The following KCNAB1 variants were observed in gnomAD, a reference collection of about 807,000 sequenced individuals.
KCNAB1 encodes potassium voltage-gated channel subfamily A regulatory beta subunit 1, also known as voltage-gated potassium channel subunit beta-1.
Under a neutral mutation model 64.6 loss-of-function variants are expected in KCNAB1, and 35 were observed. The ratio of observed to expected loss-of-function variants is 0.54; its 90% CI spans 0.41 to 0.72. The LOEUF (loss-of-function observed/expected upper bound fraction) is 0.72. Among genes scored for constraint, KCNAB1 ranks in the 30% least tolerant of loss-of-function variants. The pLI is 0.00. For missense variants in KCNAB1, 401 were observed against 512.9 expected (o/e 0.78, Z 2.11); for synonymous variants, 177 against 183.8 (o/e 0.96, Z 0.30).
chr3:156,196,942 C>T (rs1300802531), intron 1 of KCNAB1, among the ~76,000 whole-genome samples: 5 of 152,078 alleles, frequency 3.3e-5, no homozygotes, highest in Admixed American at 6.6e-5. Context: ...GTGTGTTTGT[C>T]GTAAATAGCT....
At chr3:156,481,569 C>G (rs918988392) in intron 8 of KCNAB1, among the ~76,000 whole-genome samples, 12 of 151,994 alleles carry the variant, frequency 7.9e-5, no homozygotes, top group Admixed American at 3.3e-4. Context: ...CATAAAAAGA[C>G]AAATTTATTT....
intron 1 of KCNAB1, among the ~76,000 whole-genome samples, chr3:156,356,180 GAAA>G (rs541338190): frequency 7.2e-6 from 1 of 139,304 alleles, no homozygotes; most frequent in Admixed American, 6.9e-5. Context: ...AAGAAAAAAA[GAAA>G]AAGAAAGAAA....
chr3:156,453,033 G>C (rs920665110), intron 3 of KCNAB1, 97 bp downstream of exon 3: 137 of 717,726 alleles, frequency 1.9e-4, no homozygotes, highest in Middle Eastern at 4.9e-4. Flanking sequence ...ACTCTACAGG[G>C]ATAAGGTTTA....
At chr3:156,169,273 T>C (rs192293316) in intron 1 of KCNAB1, among the ~76,000 whole-genome samples, 1 of 152,304 alleles carries the variant, frequency 6.6e-6, no homozygotes, top group Admixed American at 6.5e-5. Context: ...CGGGGGTTAT[T>C]ATGCTGAAGA....
intron 2 of KCNAB1, among the ~76,000 whole-genome samples, chr3:156,430,122 T>C (rs2108240949): frequency 6.6e-6 from 1 of 152,378 alleles, no homozygotes; most frequent in East Asian, 1.9e-4. Flanking sequence ...TGACAAGTGG[T>C]TGCCTTCTGA....
Position 156,452,769 on chromosome 3 carries a change from C to A in KCNAB1, c.320-130C>A. 1 of 640,516 alleles carries A rather than the reference C, an allele frequency of 1.6e-6. No individual in the cohort carries two copies. 39.7% of individuals were successfully genotyped at this position (640,516 alleles called of 1,614,324 possible). ...AACTAGACCACAGCCCACATGTGCCCCTCATCCAGGTACCTTTGTGAACTA... is the reference window on the plus strand; with the variant it reads ...AACTAGACCACAGCCCACATGTGCCACTCATCCAGGTACCTTTGTGAACTA... On this transcript the variant is annotated intron_variant, in intron 2 of 13. Coordinates refer to ENST00000490337, the MANE Select transcript of KCNAB1 (RefSeq NM_172160.3). This position sits in a 1 kb window ranked among gnomAD's most constrained non-coding sequence, Gnocchi z 4.6.
At chr3:156,377,877 T>G (rs57058377) in intron 1 of KCNAB1, among the ~76,000 whole-genome samples, 7,123 of 151,922 alleles carry the variant, frequency 0.047, 555 homozygotes, top group African/African-American at 0.16. Context: ...GCTTCCCTAT[T>G]TTTATGGGTT....
chr3:156,392,681 G>T (rs1229041667), intron 1 of KCNAB1, among the ~76,000 whole-genome samples: 1 of 152,162 alleles, frequency 6.6e-6, no homozygotes, highest in Non-Finnish European at 1.5e-5. Flanking sequence ...TTACCAAGAT[G>T]TTTTTTGTGA....
chr3:156,157,173 C>T lies in KCNAB1; in HGVS notation c.275+36287C>T, dbSNP rs188189070. Among the ~76,000 whole-genome samples, 39 of 152,264 alleles carry T rather than the reference C, an allele frequency of 2.6e-4. No individual in the cohort carries two copies. The East Asian group carries it at 5.4e-3, about 21-fold the overall frequency. ...CTATTTATAAGAGCAGAGAGAAAAA[C>T]GTATCTTACTTTCTACACAGCACTA... On this transcript the variant is annotated intron_variant, in intron 1 of 13. Coordinates refer to ENST00000490337, the MANE Select transcript of KCNAB1 (RefSeq NM_172160.3).
At chr3:156,311,098 T>C (rs1721869896) in intron 1 of KCNAB1, among the ~76,000 whole-genome samples, 2 of 152,148 alleles carry the variant, frequency 1.3e-5, no homozygotes, top group South Asian at 4.1e-4. Context: ...AATGTGCCAG[T>C]AGCACTGGAT....
chr3:156,328,743 G>A (rs780794812), intron 1 of KCNAB1, among the ~76,000 whole-genome samples: 19 of 152,126 alleles, frequency 1.2e-4, no homozygotes, highest in African/African-American at 3.9e-4. Context: ...GCAGTATAGC[G>A]TAGAAAAGCA....
intron 1 of KCNAB1, among the ~76,000 whole-genome samples, chr3:156,283,460 C>T (rs541085652): frequency 0.013 from 2,000 of 148,540 alleles, 14 homozygotes; most frequent in Middle Eastern, 0.022. Flanking sequence ...TTGCTCTTCT[C>T]GAGGAGTATC....
intron 1 of KCNAB1, among the ~76,000 whole-genome samples, chr3:156,304,603 C>T (rs1721363772): frequency 6.6e-6 from 1 of 152,118 alleles, no homozygotes; most frequent in Non-Finnish European, 1.5e-5. Flanking sequence ...TTTTAATTTC[C>T]CTTGTTGGCA....
intron 8 of KCNAB1, among the ~76,000 whole-genome samples, chr3:156,513,477 G>C (rs552259928): frequency 6.6e-6 from 1 of 152,128 alleles, no homozygotes; most frequent in African/African-American, 2.4e-5. Context: ...TGAAACTGTC[G>C]AGTGACCTGG....
intron 2 of KCNAB1, among the ~76,000 whole-genome samples, chr3:156,444,704 C>G (rs916048144): frequency 1.3e-5 from 2 of 152,228 alleles, no homozygotes. Flanking sequence ...CCAGCGCCAT[C>G]ATGGGCCTTC....
chr3:156,322,847 A>T (rs1334849004), intron 1 of KCNAB1, among the ~76,000 whole-genome samples: 1 of 152,162 alleles, frequency 6.6e-6, no homozygotes, highest in East Asian at 1.9e-4. Flanking sequence ...TGGGGTTCCG[A>T]TACCTCTTGC....
rs556633024 is a variant in KCNAB1 at position 156,537,336 on chromosome 3, T to C, written c.*589T>C. Reference sequence around the variant, plus strand: ...TTTTTTTCTATTTTCACATTCATACTAACAAGTTTTGTTCCATTTGTTATT... The same window carrying C: ...TTTTTTTCTATTTTCACATTCATACCAACAAGTTTTGTTCCATTTGTTATT... On this transcript the variant is annotated 3_prime_UTR_variant, in exon 14 of 14. Coordinates refer to ENST00000490337, the MANE Select transcript of KCNAB1 (RefSeq NM_172160.3). 93 of 307,590 alleles carry C rather than the reference T, an allele frequency of 3.0e-4. No individual in the cohort carries two copies. Among genetic ancestry groups the C allele is most frequent in the African/African-American group, 1.9e-3 (87 of 46,842 alleles). The allele number at this position is 307,590 out of a possible 1,614,324, so 19.1% of individuals were successfully genotyped here. A position where few individuals can be genotyped will look rare whatever the true frequency, so the allele number is the denominator to read the frequency against.
At chr3:156,443,555 T>A (rs7647302) in intron 2 of KCNAB1, among the ~76,000 whole-genome samples, 19,024 of 152,062 alleles carry the variant, frequency 0.13, 2,788 homozygotes, top group African/African-American at 0.35. Flanking sequence ...GACCCTGTAG[T>A]TGTGATAGGG....
intron 1 of KCNAB1, among the ~76,000 whole-genome samples, chr3:156,173,296 T>TAAA (rs952590919): frequency 5.3e-5 from 8 of 152,114 alleles, no homozygotes; most frequent in Non-Finnish European, 1.0e-4. Flanking sequence ...GCCAGTGAGT[T>TAAA]AACCAGGGTG....
Sources: allele counts gnomAD v4.1 joint callset (sites outside exome capture counted in the v4.1 genomes callset), GRCh38; gene constraint gnomAD v4.1.1; non-coding constraint Gnocchi (gnomAD v3.1); transcripts MANE v1.5; gene names NCBI Gene and HGNC (gene_info 2026-07-23, HGNC 2026-07-21).